The following PIBF1 variants were observed in gnomAD, a reference collection of about 807,000 sequenced individuals.
PIBF1 encodes progesterone immunomodulatory binding factor 1, also known as progesterone-induced-blocking factor 1.
A neutral mutation model predicts 112.5 loss-of-function variants in PIBF1; 90 were observed. The ratio of observed to expected loss-of-function variants is 0.80; its 90% confidence interval spans 0.67 to 0.95. The LOEUF (loss-of-function observed/expected upper bound fraction) is 0.95. Ranked by LOEUF, PIBF1 falls within the 40% of genes least tolerant of loss-of-function variation. The pLI is 0.00. For missense variants in PIBF1, 915 were observed against 852.3 expected (o/e 1.07, Z -0.92); for synonymous variants, 301 against 288.6 (o/e 1.04, Z -0.44).
chr13:72,867,642 A>C (rs192312633), intron 10 of PIBF1, among the ~76,000 whole-genome samples: 58 of 152,264 alleles, frequency 3.8e-4, no homozygotes, highest in African/African-American at 1.3e-3. Flanking sequence ...TGTATATTCT[A>C]ATTGTTAGCA....
intron 17 of PIBF1, among the ~76,000 whole-genome samples, chr13:73,000,193 A>G (rs1416769304): frequency 6.6e-6 from 1 of 152,212 alleles, no homozygotes. Context: ...CCTCTGTAGT[A>G]CATCAGCTTC....
intron 2 of PIBF1, among the ~76,000 whole-genome samples, chr13:72,787,015 G>A (rs964303381): frequency 1.3e-5 from 2 of 152,126 alleles, no homozygotes; most frequent in Admixed American, 6.5e-5. Flanking sequence ...ATGTTAAAAT[G>A]TGAGAAAGTG....
chr13:72,853,822 A>G (rs776252424), intron 9 of PIBF1, among the ~76,000 whole-genome samples: 3 of 152,140 alleles, frequency 2.0e-5, no homozygotes, highest in South Asian at 2.1e-4. Context: ...TGGTTAGCCA[A>G]CCCTTTGACC....
At chr13:72,782,972 C>T (rs900669972) in intron 1 of PIBF1, among the ~76,000 whole-genome samples, 6 of 151,328 alleles carry the variant, frequency 4.0e-5, no homozygotes, top group Non-Finnish European at 7.4e-5. Context: ...TGTTTTTTTA[C>T]TTCCACTTAC....
chr13:72,817,108 G>A (rs556202588), intron 5 of PIBF1, among the ~76,000 whole-genome samples: 9 of 152,324 alleles, frequency 5.9e-5, no homozygotes, highest in African/African-American at 2.2e-4. Flanking sequence ...GCTGTCCAAT[G>A]TAAACTGCTT....
At position 72,931,172 on chromosome 13, in the gene PIBF1, T is replaced by C. The variant is rs1311287625; in HGVS notation, c.1738T>C (p.Leu580=). The change falls in exon 14 of 18, where the codon TTG becomes CTG. Residue 580 remains leucine, a synonymous_variant. Coordinates refer to ENST00000326291, the MANE Select transcript of PIBF1 (RefSeq NM_006346.4). Reference sequence around the variant, plus strand: ...CTTATTTCATTTGCCTAGTGTTCACTTGGCAAGAAGAGTGCTTCAATTAGA... The same window carrying C: ...CTTATTTCATTTGCCTAGTGTTCACCTGGCAAGAAGAGTGCTTCAATTAGA... The part of the protein sequence containing the change: ...AKRRLKQSVH[L]ARRVLQLEKQ... 6.2e-7 allele frequency: 1 copy of C among 1,606,030 alleles called. No individual in the cohort carries two copies. The highest frequency in any genetic ancestry group is 1.1e-5 in the South Asian group (1 of 90,126).
intron 5 of PIBF1, among the ~76,000 whole-genome samples, chr13:72,817,178 T>C (rs184300095): frequency 6.6e-6 from 1 of 152,358 alleles, no homozygotes; most frequent in East Asian, 1.9e-4. Context: ...TTAGTTGTCC[T>C]CCACACAGAC....
Position 72,987,864 on chromosome 13 carries a change from T to A in PIBF1, c.2050-10958T>A, listed in dbSNP as rs1183541345. ...TTTATTTATTTATTTATTTATTTTT[T>A]TTTTTTTTTTTTTTTTTGAGGCAGA... On this transcript the variant is annotated intron_variant, in intron 16 of 17. Transcript: ENST00000326291. Among the ~76,000 whole-genome samples, 385 of 100,930 alleles carry A rather than the reference T, an allele frequency of 3.8e-3. 1 individual carries two copies. The highest frequency in any genetic ancestry group is 5.0e-3 in the Middle Eastern group (1 of 202). The allele number at this position is 100,930 out of a possible 152,430, so 66.2% of individuals were successfully genotyped here.
At chr13:73,007,714 C>G (rs2044079857) in intron 17 of PIBF1, among the ~76,000 whole-genome samples, 1 of 151,088 alleles carries the variant, frequency 6.6e-6, no homozygotes, top group Middle Eastern at 3.4e-3. Flanking sequence ...GAGGCTGAGG[C>G]AGGAGAATCG....
At chr13:72,867,621 C>G (rs1345465428) in intron 10 of PIBF1, among the ~76,000 whole-genome samples, 2 of 152,116 alleles carry the variant, frequency 1.3e-5, no homozygotes, top group Admixed American at 1.3e-4. Flanking sequence ...AGTCCCCTTT[C>G]CTCAACTTAC....
At chr13:72,978,215 A>G (rs1195033774) in intron 16 of PIBF1, among the ~76,000 whole-genome samples, 1 of 152,196 alleles carries the variant, frequency 6.6e-6, no homozygotes. Flanking sequence ...TTTGTAGAAG[A>G]TCAAAACAAA....
At chr13:72,816,552 TTGGGAGGCTGAGG>T (rs915555459) in intron 5 of PIBF1, among the ~76,000 whole-genome samples, 6 of 151,794 alleles carry the variant, frequency 4.0e-5, no homozygotes, top group African/African-American at 7.3e-5. Context: ...ACCCAGCTAC[TTGGGAGGCTGAGG>T]TGGGAGGATC....
At chr13:72,952,035 C>CTTTTTTTTTTTTT (rs67211238) in intron 14 of PIBF1, among the ~76,000 whole-genome samples, 75 of 122,950 alleles carry the variant, frequency 6.1e-4, no homozygotes, top group Non-Finnish European at 1.0e-3. Flanking sequence ...TTTCTTTTCT[C>CTTTTTTTTTTTTT]TTTTTTTTTT....
In PIBF1 at chr13:72,998,719, G is replaced by A. The variant is rs187060185; in HGVS notation, c.2050-103G>A. 1.6e-4 allele frequency: 119 copies of A among 724,738 alleles called. 1 individual carries two copies. The African/African-American group carries it at 1.9e-3, about 12-fold the overall frequency. The allele number at this position is 724,738 out of a possible 1,614,324, so 44.9% of individuals were successfully genotyped here. On this transcript the variant is annotated intron_variant, in intron 16 of 17. Coordinates refer to ENST00000326291, the MANE Select transcript of PIBF1 (RefSeq NM_006346.4). Reference sequence around the variant, plus strand: ...TTTATTTTCACAACTTATGTGTGTAGTATAATTGTTTCTTCTACTTAAAAA... The same window carrying A: ...TTTATTTTCACAACTTATGTGTGTAATATAATTGTTTCTTCTACTTAAAAA...
intron 3 of PIBF1, among the ~76,000 whole-genome samples, chr13:72,793,740 A>T (rs1241729167): frequency 1.3e-5 from 2 of 152,172 alleles, no homozygotes; most frequent in African/African-American, 4.8e-5. Flanking sequence ...GGCTTAAGAG[A>T]AAAAGGGGAG....
At chr13:72,823,633 C>T (rs2036668102) in intron 6 of PIBF1, among the ~76,000 whole-genome samples, 1 of 152,002 alleles carries the variant, frequency 6.6e-6, no homozygotes, top group Non-Finnish European at 1.5e-5. Flanking sequence ...TTAATTGTGT[C>T]ATTATTAAAA....
At chr13:72,988,815 T>C (rs2043384420) in intron 16 of PIBF1, among the ~76,000 whole-genome samples, 1 of 152,100 alleles carries the variant, frequency 6.6e-6, no homozygotes. Flanking sequence ...GGCGGGCAGA[T>C]TGCTTGAGGT....
At chr13:72,800,831 G>T (rs185070638) in intron 5 of PIBF1, among the ~76,000 whole-genome samples, 91 of 152,314 alleles carry the variant, frequency 6.0e-4, no homozygotes, top group Admixed American at 2.4e-3. Context: ...GAAAAAAATA[G>T]TTCAAGATAA....
At chr13:72,826,399 G>A (rs1388112156) in intron 6 of PIBF1, among the ~76,000 whole-genome samples, 5 of 152,164 alleles carry the variant, frequency 3.3e-5, no homozygotes, top group Non-Finnish European at 4.4e-5. Context: ...AAAGTGCAAA[G>A]GCACTGCTTC....
Sources: gnomAD v4.1 joint callset for allele counts (sites outside exome capture counted in the v4.1 genomes callset) on GRCh38, gnomAD v4.1.1 for gene constraint, MANE v1.5 for transcripts, NCBI Gene and HGNC (gene_info 2026-07-23, HGNC 2026-07-21) for gene names.